Variants in KIAA0319L observed in about 807,000 individuals in gnomAD.
KIAA0319L encodes KIAA0319 like.
A neutral mutation model predicts 120.1 loss-of-function variants in KIAA0319L; 55 were observed. The ratio of observed to expected loss-of-function variants is 0.46; its 90% CI spans 0.37 to 0.57. The LOEUF (loss-of-function observed/expected upper bound fraction) is 0.57. KIAA0319L is among the 20% of genes least tolerant of loss of function. KIAA0319L has a pLI of 0.00. For synonymous variants in KIAA0319L, 398 were observed against 471.9 expected (o/e 0.84, Z 2.03); for missense variants, 1,049 against 1,255.3 (o/e 0.84, Z 2.48).
intron 3 of KIAA0319L, among the ~76,000 whole-genome samples, chr1:35,495,959 A>T (rs946049794): frequency 6.6e-6 from 1 of 152,210 alleles, no homozygotes; most frequent in African/African-American, 2.4e-5. Context: ...CCACAATGAG[A>T]TTCAATTAAA....
At chr1:35,526,299 A>G (rs1423067091) in intron 2 of KIAA0319L, among the ~76,000 whole-genome samples, 2 of 147,508 alleles carry the variant, frequency 1.4e-5, no homozygotes, top group Non-Finnish European at 3.0e-5. Flanking sequence ...CCACATATAT[A>G]TGTACATATA....
Position 35,506,231 on chromosome 1 carries a change from C to T in KIAA0319L, c.666+381G>A, listed in dbSNP as rs186386658. On this transcript the variant is annotated intron_variant, in intron 3 of 20. Transcript: ENST00000325722. The surrounding 1 kb of genome is among the most constrained non-coding windows in gnomAD (Gnocchi z 4.0). The stretch of plus-strand genomic sequence containing the variant: ...ACCTCATAAAGAATGTGTTTACAGG[C>T]GAGAGATGGAGGAGAACTTGACTGT... Among the ~76,000 whole-genome samples, 6 of 152,282 alleles carry T rather than the reference C, an allele frequency of 3.9e-5. No individual in the cohort carries two copies. Among genetic ancestry groups the T allele is most frequent in the Admixed American group, 6.5e-5 (1 of 15,294 alleles).
intron 2 of KIAA0319L, among the ~76,000 whole-genome samples, chr1:35,528,480 G>A (rs1246823729): frequency 6.6e-6 from 1 of 152,202 alleles, no homozygotes; most frequent in Non-Finnish European, 1.5e-5. Context: ...TGTGGTCTGA[G>A]AAGATACTTG....
At chr1:35,513,957 T>C (rs1284350163) in intron 2 of KIAA0319L, among the ~76,000 whole-genome samples, 1 of 152,220 alleles carries the variant, frequency 6.6e-6, no homozygotes, top group Non-Finnish European at 1.5e-5. Context: ...TTTAAAAATA[T>C]ATTTAGTTCA....
At chr1:35,484,070 A>T (rs1314897950) in intron 3 of KIAA0319L, among the ~76,000 whole-genome samples, 1 of 152,156 alleles carries the variant, frequency 6.6e-6, no homozygotes, top group Non-Finnish European at 1.5e-5. Flanking sequence ...TCACCTGGAG[A>T]TTCTCAACTA....
intron 9 of KIAA0319L, among the ~76,000 whole-genome samples, chr1:35,456,825 AAGG>A (rs1642487656): frequency 7.0e-6 from 1 of 142,402 alleles, no homozygotes; most frequent in Non-Finnish European, 1.5e-5. Context: ...AAAAAAGAAA[AAGG>A]AAGGAAGGAA....
At chr1:35,524,335 G>A (rs373783149) in intron 2 of KIAA0319L, among the ~76,000 whole-genome samples, 3 of 152,240 alleles carry the variant, frequency 2.0e-5, no homozygotes, top group African/African-American at 7.2e-5. Context: ...TTGTGTCCAT[G>A]GTTCCCTCAA....
chr1:35,451,712 C>T lies in KIAA0319L; in HGVS notation c.1978G>A (p.Val660Met). Residue 660 changes from valine to methionine, a missense_variant, in exon 13 of 21, where the codon GTG (valine) becomes ATG (methionine). Coordinates refer to ENST00000325722, the MANE Select transcript of KIAA0319L (RefSeq NM_024874.5). ...SSVATVTGLQVGTYVFTLTVK... is the reference protein window; with the variant it reads ...SSVATVTGLQMGTYVFTLTVK... ...GTCAAGGTGAACACATAGGTCCCCACTTGCAGCCCAGTCACAGTAGCAACA... is the reference window on the plus strand; with the variant it reads ...GTCAAGGTGAACACATAGGTCCCCATTTGCAGCCCAGTCACAGTAGCAACA... The T allele has an allele frequency of 6.2e-7, 1 of 1,614,172 alleles. No individual in the cohort carries two copies.
intron 2 of KIAA0319L, among the ~76,000 whole-genome samples, chr1:35,535,097 A>T (rs1443037556): frequency 2.2e-5 from 2 of 89,550 alleles, no homozygotes; most frequent in Non-Finnish European, 4.1e-5. Context: ...ACTCCGTCTT[A>T]AAAAAAAAAA....
intron 2 of KIAA0319L, among the ~76,000 whole-genome samples, chr1:35,528,603 A>T (rs1646244485): frequency 6.6e-6 from 1 of 152,202 alleles, no homozygotes; most frequent in African/African-American, 2.4e-5. Context: ...TGGTAGATGA[A>T]ATGTTCTGTA....
chr1:35,444,410 T>C, intron 16 of KIAA0319L, 107 bp from the exon 17 acceptor site: 1 of 1,071,988 alleles, frequency 9.3e-7, no homozygotes, highest in Non-Finnish European at 1.3e-6. Context: ...GTGCTAAGTG[T>C]TACATGCATT....
chr1:35,528,679 A>C lies in KIAA0319L; in HGVS notation c.143-21544T>G, dbSNP rs141218862. ...GTGTTTTTTGTTGATTTTTCTGTTA[A>C]GATAATCTGTCTATTGTTGAGAGTG... is the stretch of plus-strand genomic sequence containing the variant. On this transcript the variant is annotated intron_variant, in intron 2 of 20. Coordinates refer to ENST00000325722, the MANE Select transcript of KIAA0319L (RefSeq NM_024874.5). Among the ~76,000 whole-genome samples, 201 of 152,248 alleles carry C rather than the reference A, an allele frequency of 1.3e-3. 2 individuals are homozygous for C. In the East Asian group the frequency reaches 0.031, roughly 23 times the overall value.
chr1:35,457,410 G>T (rs1162328707), intron 9 of KIAA0319L, among the ~76,000 whole-genome samples: 1 of 151,154 alleles, frequency 6.6e-6, no homozygotes, highest in Non-Finnish European at 1.5e-5. Flanking sequence ...AGGAGGGCTG[G>T]CTCCAGTAAG....
chr1:35,485,662 C>A (rs1488009813), intron 3 of KIAA0319L, among the ~76,000 whole-genome samples: 1 of 152,190 alleles, frequency 6.6e-6, no homozygotes, highest in African/African-American at 2.4e-5. Context: ...GGCACTGCAA[C>A]CTTCAGCTAG....
At chr1:35,499,874 G>A (rs112094805) in intron 3 of KIAA0319L, among the ~76,000 whole-genome samples, 2,519 of 151,664 alleles carry the variant, frequency 0.017, 68 homozygotes, top group African/African-American at 0.058. Flanking sequence ...CATCAGTTAC[G>A]TAAGATTATC....
At chr1:35,516,792 A>C (rs576080947) in intron 2 of KIAA0319L, among the ~76,000 whole-genome samples, 2 of 152,228 alleles carry the variant, frequency 1.3e-5, no homozygotes, top group Non-Finnish European at 2.9e-5. Context: ...ACATGATTCT[A>C]TATCTAGAAA....
At chr1:35,555,425 A>C (rs1647831750) in intron 1 of KIAA0319L, among the ~76,000 whole-genome samples, 1 of 152,236 alleles carries the variant, frequency 6.6e-6, no homozygotes, top group African/African-American at 2.4e-5. Flanking sequence ...ATACTGACTA[A>C]TACCAAGAAA....
chr1:35,459,681 T>C (rs112626171), intron 9 of KIAA0319L, among the ~76,000 whole-genome samples: 123 of 152,300 alleles, frequency 8.1e-4, no homozygotes, highest in African/African-American at 2.8e-3. Context: ...CAAATGAAGA[T>C]AGTATCATCT....
At chr1:35,438,204 T>C (rs933572512) in intron 20 of KIAA0319L, among the ~76,000 whole-genome samples, 2 of 152,200 alleles carry the variant, frequency 1.3e-5, no homozygotes, top group Admixed American at 6.5e-5. Flanking sequence ...CAATCTTTCA[T>C]TCTCATTCCC....
Sources: allele counts gnomAD v4.1 joint callset (sites outside exome capture counted in the v4.1 genomes callset), GRCh38; gene constraint gnomAD v4.1.1; non-coding constraint Gnocchi (gnomAD v3.1); transcripts MANE v1.5; gene names NCBI Gene and HGNC (gene_info 2026-07-23, HGNC 2026-07-21).